The following CDH20 variants were observed in gnomAD, a reference collection of about 807,000 sequenced individuals.
The protein encoded by CDH20 is cadherin-20.
A neutral mutation model predicts 74.2 loss-of-function variants in CDH20; 29 were observed. That is an observed-to-expected ratio of 0.39 (90% CI 0.29 to 0.53). The LOEUF (loss-of-function observed/expected upper bound fraction) is 0.53. Among genes scored for constraint, CDH20 ranks in the 20% least tolerant of loss-of-function variants. The pLI, the probability that CDH20 is intolerant of heterozygous loss-of-function variation, is 0.69. For synonymous variants in CDH20, 469 were observed against 405.4 expected, an observed-to-expected ratio of 1.16 and a Z score of -1.88; for missense variants, 988 against 1,048.3, an observed-to-expected ratio of 0.94 and a Z score of 0.79.
intron 1 of CDH20, among the ~76,000 whole-genome samples, chr18:61,470,115 CTG>C (rs1467114585): frequency 6.6e-6 from 1 of 152,180 alleles, no homozygotes; most frequent in Non-Finnish European, 1.5e-5. Flanking sequence ...TGCCGGCGGT[CTG>C]TGTGTCAGTT....
Position 61,554,619 on chromosome 18 carries a change from T to A in CDH20, c.2330T>A (p.Leu777Gln). 6.2e-7 allele frequency: 1 copy of A among 1,606,806 alleles called. No homozygotes were observed. Among genetic ancestry groups the A allele is most frequent in the Non-Finnish European group, 8.5e-7 (1 of 1,177,422 alleles). Reference protein sequence around the residue: ...TSDSEQSFDFLTDWGPRFRKL... With the variant: ...TSDSEQSFDFQTDWGPRFRKL... ...GACTCGGAACAGAGCTTCGACTTCC[T>A]GACGGACTGGGGGCCCCGCTTCCGG... The change falls in exon 12 of 12, where the codon CTG becomes CAG. Residue 777 changes from leucine to glutamine, a missense_variant. By Grantham distance (113) the Leu-to-Gln change is moderately radical (BLOSUM62 -2). Transcript: ENST00000262717.
intron 1 of CDH20, among the ~76,000 whole-genome samples, chr18:61,343,666 C>T (rs540094207): frequency 6.6e-6 from 1 of 152,296 alleles, no homozygotes; most frequent in South Asian, 2.1e-4. Context: ...ACATGCCTTC[C>T]ACATGAGAAA....
intron 2 of CDH20, among the ~76,000 whole-genome samples, chr18:61,495,205 A>G (rs1911093600): frequency 6.6e-6 from 1 of 152,232 alleles, no homozygotes; most frequent in South Asian, 2.1e-4. Flanking sequence ...GTTGAATTAA[A>G]TATGGGCAAA....
Position 61,538,607 on chromosome 18 carries a change from T to TTG in CDH20, c.1409-417_1409-416insTG, listed in dbSNP as rs1491068478. Among the ~76,000 whole-genome samples, 8 of 45,530 alleles carry TTG rather than the reference T, an allele frequency of 1.8e-4. 3 individuals carry two copies. Among genetic ancestry groups the TTG allele is most frequent in the African/African-American group, 5.5e-4 (8 of 14,570 alleles). The allele number at this position is 45,530 out of a possible 152,430, so 29.9% of individuals were successfully genotyped here. A position where few individuals can be genotyped will look rare whatever the true frequency, so the allele number is the denominator to read the frequency against. ...TTGTTTGTTTGTTTGTTTTTGTTTT[T>TTG]GTTTTTGTTTTTGTTTTGTTTTTTT... On this transcript the variant is annotated intron_variant, in intron 8 of 11. Coordinates refer to ENST00000262717, the MANE Select transcript of CDH20 (RefSeq NM_031891.4).
At chr18:61,334,439 TC>T in intron 1 of CDH20, 1 of 152,262 alleles carries the variant, frequency 6.6e-6, no homozygotes, top group Non-Finnish European at 1.5e-5. Flanking sequence ...CTTCGCCAAC[TC>T]CCCGGATTTC....
chr18:61,507,249 T>C, intron 5 of CDH20, 124 bp from the exon 6 acceptor site: 1 of 888,210 alleles, frequency 1.1e-6, no homozygotes. Context: ...CTGTAAAAAC[T>C]CAAGTTTTAC....
At chr18:61,554,084 A>G (rs1913531421) in intron 11 of CDH20, 106 bp from the exon 12 acceptor site, 1 of 1,371,408 alleles carries the variant, frequency 7.3e-7, no homozygotes. Context: ...TGAGCCCTCC[A>G]CTCGGTAGCC....
chr18:61,553,977 T>C (rs1474085741), intron 11 of CDH20, among the ~76,000 whole-genome samples: 1 of 152,130 alleles, frequency 6.6e-6, no homozygotes, highest in African/African-American at 2.4e-5. Context: ...TTTGAAGAAA[T>C]ACAGGGCTTC....
At chr18:61,460,430 A>G (rs1909726906) in intron 1 of CDH20, among the ~76,000 whole-genome samples, 2 of 152,220 alleles carry the variant, frequency 1.3e-5, no homozygotes, top group Non-Finnish European at 2.9e-5. Context: ...GAAGCTGAGT[A>G]AGATCCAAAA....
Position 61,514,990 on chromosome 18 carries a change from G to T in CDH20, c.1017+7430G>T, listed in dbSNP as rs1414646780. ...CCTGCCCCCAGAGGTGGAGCCTACA[G>T]AGGCAGGCAGGCCTCCTTGAGCTGT... On this transcript the variant is annotated intron_variant, in intron 6 of 11. Transcript: ENST00000262717. Among the ~76,000 whole-genome samples, 4 of 152,000 alleles carry T rather than the reference G, an allele frequency of 2.6e-5. No homozygotes were observed. The East Asian group carries it at 7.9e-4, about 30-fold the overall frequency.
At chr18:61,545,444 A>C (rs1269906856) in intron 10 of CDH20, among the ~76,000 whole-genome samples, 1 of 152,022 alleles carries the variant, frequency 6.6e-6, no homozygotes, top group Non-Finnish European at 1.5e-5. Flanking sequence ...CAGAACAACA[A>C]ACACAGAGAA....
At chr18:61,403,665 A>C (rs923669230) in intron 1 of CDH20, among the ~76,000 whole-genome samples, 5 of 152,246 alleles carry the variant, frequency 3.3e-5, no homozygotes, top group African/African-American at 1.2e-4. Context: ...ATCACTGGTT[A>C]GAAGTGAACC....
intron 1 of CDH20, among the ~76,000 whole-genome samples, chr18:61,367,195 C>T (rs556989908): frequency 2.0e-5 from 3 of 152,166 alleles, no homozygotes; most frequent in Admixed American, 1.3e-4. Context: ...AAGAGAAGCA[C>T]GGCAAGTTCC....
chr18:61,546,769 G>C (rs540860372), intron 10 of CDH20, among the ~76,000 whole-genome samples: 1 of 152,206 alleles, frequency 6.6e-6, no homozygotes, highest in Non-Finnish European at 1.5e-5. Context: ...GATGACTATA[G>C]TAAGACGTGA....
At chr18:61,365,911 T>C (rs1910840409) in intron 1 of CDH20, among the ~76,000 whole-genome samples, 1 of 152,162 alleles carries the variant, frequency 6.6e-6, no homozygotes, top group African/African-American at 2.4e-5. Context: ...TGTTTAATAT[T>C]TCTAAAATAT....
At chr18:61,545,178 T>TAAAA (rs749849249) in intron 10 of CDH20, 34 bp downstream of exon 10, 5 of 1,380,310 alleles carry the variant, frequency 3.6e-6, no homozygotes, top group Non-Finnish European at 4.1e-6. Flanking sequence ...TCTGTGCTTT[T>TAAAA]CTACAGCATA....
At chr18:61,524,275 A>G (rs1202119099) in intron 6 of CDH20, among the ~76,000 whole-genome samples, 2 of 152,226 alleles carry the variant, frequency 1.3e-5, no homozygotes, top group Non-Finnish European at 2.9e-5. Context: ...TAGGATAGAT[A>G]AAAATTTTAA....
chr18:61,338,476 A>C (rs1003724203), intron 1 of CDH20, among the ~76,000 whole-genome samples: 2 of 152,188 alleles, frequency 1.3e-5, no homozygotes, highest in African/African-American at 2.4e-5. Flanking sequence ...AGTGCAATGC[A>C]AAATAGAAAT....
chr18:61,383,609 C>G (rs74529789), intron 1 of CDH20, among the ~76,000 whole-genome samples: 2,580 of 152,068 alleles, frequency 0.017, 79 homozygotes, highest in African/African-American at 0.059. Flanking sequence ...AAAATACATT[C>G]TAATGAAGGT....
Sources: allele counts gnomAD v4.1 joint callset (sites outside exome capture counted in the v4.1 genomes callset), GRCh38; gene constraint gnomAD v4.1.1; transcripts MANE v1.5; gene names NCBI Gene and HGNC (gene_info 2026-07-23, HGNC 2026-07-21).